RHOBTB3: variants seen among roughly 807,000 people sequenced by gnomAD.
The protein encoded by RHOBTB3 is Rho related BTB domain containing 3, also known as rho-related BTB domain-containing protein 3.
Under a neutral mutation model 67.2 loss-of-function variants are expected in RHOBTB3, and 47 were observed. That is an observed-to-expected ratio of 0.70 (90% CI 0.55 to 0.89). The LOEUF is 0.89. RHOBTB3 is among the 40% of genes least tolerant of loss of function. RHOBTB3 has a pLI of 0.00. For missense variants in RHOBTB3, 631 were observed against 750.0 expected (o/e 0.84, Z 1.85); for synonymous variants, 273 against 274.2 (o/e 1.00, Z 0.04).
intron 4 of RHOBTB3, among the ~76,000 whole-genome samples, chr5:95,748,994 T>C (rs764622090): frequency 1.3e-5 from 2 of 152,214 alleles, no homozygotes; most frequent in African/African-American, 2.4e-5. Context: ...TTGTTGGATA[T>C]GTGGGAGCAA....
At chr5:95,761,335 T>C (rs1027117311) in intron 6 of RHOBTB3, among the ~76,000 whole-genome samples, 9 of 150,196 alleles carry the variant, frequency 6.0e-5, no homozygotes, top group African/African-American at 2.0e-4. Flanking sequence ...CTTTCCTTTT[T>C]CCTCTTTTTT....
intron 1 of RHOBTB3, 38 bp downstream of exon 1, chr5:95,731,722 AGCGCGTGCCGT>A: frequency 6.2e-7 from 1 of 1,612,978 alleles, no homozygotes; most frequent in Non-Finnish European, 8.5e-7. Flanking sequence ...GTCTCTCTCC[AGCGCGTGCCGT>A]GCGCCCCAGG....
chr5:95,742,868 C>T (rs1755637383), intron 3 of RHOBTB3, among the ~76,000 whole-genome samples: 2 of 152,218 alleles, frequency 1.3e-5, no homozygotes, highest in African/African-American at 4.8e-5. Flanking sequence ...GTCAGGAGAT[C>T]AAGACCATCC....
At chr5:95,772,107 C>G (rs1433329359) in intron 8 of RHOBTB3, among the ~76,000 whole-genome samples, 2 of 152,184 alleles carry the variant, frequency 1.3e-5, no homozygotes, top group East Asian at 3.8e-4. Flanking sequence ...TGGACTCACA[C>G]TGAGCAGACT....
intron 10 of RHOBTB3, among the ~76,000 whole-genome samples, chr5:95,786,880 A>C (rs1746238524): frequency 6.6e-6 from 1 of 152,208 alleles, no homozygotes; most frequent in South Asian, 2.1e-4. Context: ...GACATGTTCC[A>C]TTCCTGTTAC....
chr5:95,769,141 G>T, intron 8 of RHOBTB3: 1 of 364,522 alleles, frequency 2.7e-6, no homozygotes, highest in Non-Finnish European at 5.4e-6. Context: ...AGCCGATGCC[G>T]TAGCTGCTAC....
Position 95,748,426 on chromosome 5 carries a change from C to T in RHOBTB3, c.509C>T (p.Ala170Val), listed in dbSNP as rs375717037. The T allele has an allele frequency of 9.8e-5, 158 of 1,613,336 alleles. No homozygotes were observed. Among genetic ancestry groups the T allele is most frequent in the Non-Finnish European group, 1.2e-4 (146 of 1,179,494 alleles). ...EGIQLAKELG[A>V]TYLELHSLDD... Reference sequence around the variant, plus strand: ...ATCCAACTTGCAAAAGAACTAGGAGCGACCTATCTTGAACTCCACAGCCTT... The same window carrying T: ...ATCCAACTTGCAAAAGAACTAGGAGTGACCTATCTTGAACTCCACAGCCTT... The change falls in exon 4 of 12, where the codon GCG becomes GTG. Residue 170 changes from alanine to valine, a missense_variant. By Grantham distance (64) the Ala-to-Val change is moderately conservative. Transcript: ENST00000379982.
rs12656408 is a variant in RHOBTB3 at position 95,753,946 on chromosome 5, C to T, written c.683-1450C>T. On this transcript the variant is annotated intron_variant, in intron 5 of 11. Coordinates refer to ENST00000379982, the MANE Select transcript of RHOBTB3 (RefSeq NM_014899.4). ...CCAACATGGTGAAACCCCGTTTCTA[C>T]TAAAAATACAAAAATTAGCCGGGCA... 3.0e-4 allele frequency among the ~76,000 whole-genome samples: 46 copies of T among 152,162 alleles called. No homozygotes were observed. In the East Asian group the frequency reaches 6.8e-3, roughly 22 times the overall value.
intron 8 of RHOBTB3, among the ~76,000 whole-genome samples, chr5:95,778,154 C>T (rs897390218): frequency 1.3e-5 from 2 of 152,006 alleles, no homozygotes; most frequent in African/African-American, 2.4e-5. Flanking sequence ...CCTTAATGTC[C>T]ATAGGAGATT....
chr5:95,721,739 T>C (rs1393827870), intron 1 of RHOBTB3, among the ~76,000 whole-genome samples: 18 of 146,578 alleles, frequency 1.2e-4, no homozygotes, highest in Admixed American at 1.1e-3. Flanking sequence ...AGTAAGAATG[T>C]GTCCAAGGGA....
At chr5:95,741,271 T>C (rs910503728) in intron 3 of RHOBTB3, among the ~76,000 whole-genome samples, 3 of 145,522 alleles carry the variant, frequency 2.1e-5, no homozygotes, top group African/African-American at 7.7e-5. Context: ...GAGGTTACAG[T>C]GAACCGAGAT....
intron 7 of RHOBTB3, among the ~76,000 whole-genome samples, chr5:95,766,501 A>G (rs1745545866): frequency 6.6e-6 from 1 of 151,950 alleles, no homozygotes; most frequent in Non-Finnish European, 1.5e-5. Context: ...GAATCCTAGT[A>G]TTTAAAATGA....
At chr5:95,731,816 T>TGACC in intron 1 of RHOBTB3, 43 bp from the exon 2 acceptor site, 1 of 1,601,690 alleles carries the variant, frequency 6.2e-7, no homozygotes, top group Non-Finnish European at 8.5e-7. Flanking sequence ...ACCCGCGCGC[T>TGACC]GACCGTGCTT....
rs551033837 is a variant in RHOBTB3, at chr5:95,733,346, G to T, written c.228+1262G>T. The stretch of plus-strand genomic sequence containing the variant: ...TTACTTGGGATCTTTCGTTGTGAAA[G>T]ATCTTACAGCCTAAAAACATGACGG... On this transcript the variant is annotated intron_variant, in intron 2 of 11. Coordinates refer to ENST00000379982, the MANE Select transcript of RHOBTB3 (RefSeq NM_014899.4). Among the ~76,000 whole-genome samples the T allele has an allele frequency of 6.8e-4, 104 of 152,274 alleles. 1 individual carries two copies. The highest frequency in any genetic ancestry group is 2.4e-3 in the African/African-American group (101 of 41,548).
At chr5:95,735,859 G>A (rs1278676411) in intron 2 of RHOBTB3, among the ~76,000 whole-genome samples, 1 of 152,136 alleles carries the variant, frequency 6.6e-6, no homozygotes, top group African/African-American at 2.4e-5. Context: ...CTCACACTTT[G>A]GGAGACCGAA....
chr5:95,771,026 C>A (rs1232639783), intron 8 of RHOBTB3, among the ~76,000 whole-genome samples: 1 of 152,042 alleles, frequency 6.6e-6, no homozygotes, highest in Non-Finnish European at 1.5e-5. Context: ...GGCATTTTTA[C>A]TACTATGCTG....
At chr5:95,734,528 A>G (rs1256027995) in intron 2 of RHOBTB3, among the ~76,000 whole-genome samples, 2 of 152,216 alleles carry the variant, frequency 1.3e-5, no homozygotes, top group African/African-American at 2.4e-5. Flanking sequence ...GTTCTCTTCT[A>G]TAGATCCTTA....
At chr5:95,790,861 T>C (rs1488597684) in intron 11 of RHOBTB3, among the ~76,000 whole-genome samples, 2 of 152,152 alleles carry the variant, frequency 1.3e-5, no homozygotes, top group South Asian at 2.1e-4. Flanking sequence ...CAGTTAAAAA[T>C]ATATAGTACT....
intron 8 of RHOBTB3, chr5:95,770,209 G>T: frequency 3.5e-6 from 1 of 288,146 alleles, no homozygotes. Flanking sequence ...AAATGGAGTA[G>T]CTGTGCTGAA....
Sources: allele counts gnomAD v4.1 joint callset (sites outside exome capture counted in the v4.1 genomes callset), GRCh38; gene constraint gnomAD v4.1.1; transcripts MANE v1.5; gene names NCBI Gene and HGNC (gene_info 2026-07-23, HGNC 2026-07-21).